The following MTRR variants were observed in gnomAD, a reference collection of about 807,000 sequenced individuals.
MTRR encodes 5-methyltetrahydrofolate-homocysteine methyltransferase reductase.
A neutral mutation model predicts 79.2 loss-of-function variants in MTRR; 63 were observed. That is an observed-to-expected ratio of 0.80 (90% CI 0.65 to 0.98). MTRR has a LOEUF of 0.98. Ranked by LOEUF, MTRR falls within the 50% of genes least tolerant of loss-of-function variation. MTRR has a pLI of 0.00. For missense variants in MTRR, 895 were observed against 839.6 expected (o/e 1.07, Z -0.82); for synonymous variants, 355 against 313.3 (o/e 1.13, Z -1.41).
At chr5:7,877,503 CAAAAAAAA>C (rs11324670) in intron 4 of MTRR, among the ~76,000 whole-genome samples, 4 of 100,512 alleles carry the variant, frequency 4.0e-5, no homozygotes, top group Non-Finnish European at 4.2e-5. Context: ...ATTGGCTAGG[CAAAAAAAA>C]AAAAAAAAAA....
At chr5:7,868,202 A>C, upstream of MTRR, 2 of 28,486 alleles carry the variant, frequency 7.0e-5, no homozygotes, top group Non-Finnish European at 1.3e-4. Context: ...AGTATCTGGA[A>C]AAAAAAAAAA....
At chr5:7,873,102 G>C (rs1306779920) in intron 2 of MTRR, among the ~76,000 whole-genome samples, 1 of 152,090 alleles carries the variant, frequency 6.6e-6, no homozygotes, top group Non-Finnish European at 1.5e-5. Flanking sequence ...CCTGCCTTTC[G>C]TACACAACAT....
chr5:7,873,337 G>C (rs1748323382), intron 2 of MTRR, 36 bp from the exon 3 acceptor site: 2 of 1,612,906 alleles, frequency 1.2e-6, no homozygotes, highest in Non-Finnish European at 8.5e-7. Context: ...AATGCATGTA[G>C]TGTTAGGTCC....
At chr5:7,868,757 G>C (rs375669283), upstream of MTRR, among the ~76,000 whole-genome samples, 2 of 152,158 alleles carry the variant, frequency 1.3e-5, no homozygotes, top group Non-Finnish European at 2.9e-5. Flanking sequence ...AAGACGGTGC[G>C]GGGGGATTTG....
At chr5:7,862,048 T>A (rs900328983) in exon 2 of MTRR, 1 of 156,488 alleles carries the variant, frequency 6.4e-6, no homozygotes, top group Non-Finnish European at 1.4e-5. Context: ...CAACTTGCAG[T>A]GCCTCCATGG....
At chr5:7,871,006 A>C in intron 2 of MTRR, 83 bp downstream of exon 2, 4 of 1,454,128 alleles carry the variant, frequency 2.8e-6, no homozygotes, top group Non-Finnish European at 2.9e-6. Flanking sequence ...ACAAAAGGAC[A>C]CTAATACCAC....
chr5:7,870,033 T>G, intron 1 of MTRR: 3 of 985,406 alleles, frequency 3.0e-6, no homozygotes, highest in Non-Finnish European at 3.6e-6. Flanking sequence ...ATTTTAGCCG[T>G]TAGATGAGTA....
At chr5:7,852,596 G>A (rs566364533) in intron 1 of MTRR, among the ~76,000 whole-genome samples, 1 of 152,032 alleles carries the variant, frequency 6.6e-6, no homozygotes, top group Admixed American at 6.5e-5. Context: ...ACATATCCCT[G>A]GTGCTTGGAG....
upstream of MTRR, chr5:7,868,328 G>A (rs1351337001): frequency 6.8e-6 from 3 of 443,342 alleles, no homozygotes; most frequent in Non-Finnish European, 1.2e-5. Context: ...GCTAAACACT[G>A]TTGTAGGTAT....
intron 12 of MTRR, 107 bp downstream of exon 12, chr5:7,895,959 A>T: frequency 7.3e-7 from 1 of 1,378,350 alleles, no homozygotes; most frequent in Non-Finnish European, 1.0e-6. Flanking sequence ...TATTTAAAAA[A>T]TTATTATTCA....
At chr5:7,884,527 C>T (rs1180586038) in intron 6 of MTRR, among the ~76,000 whole-genome samples, 3 of 151,476 alleles carry the variant, frequency 2.0e-5, no homozygotes, top group African/African-American at 7.3e-5. Flanking sequence ...TGTTTTTTTC[C>T]GTCCCAAATA....
At chr5:7,898,546 A>G (rs1042878796) in intron 14 of MTRR, among the ~76,000 whole-genome samples, 1 of 152,204 alleles carries the variant, frequency 6.6e-6, no homozygotes, top group East Asian at 1.9e-4. Context: ...AGCAGGAACA[A>G]AGTAGACAGA....
At chr5:7,872,132 T>C (rs151240980) in intron 2 of MTRR, 29 of 361,794 alleles carry the variant, frequency 8.0e-5, no homozygotes, top group African/African-American at 2.8e-4. Flanking sequence ...ACATTACTTA[T>C]ACAAACTCTG....
At chr5:7,877,101 C>T (rs911440561) in intron 4 of MTRR, among the ~76,000 whole-genome samples, 2 of 152,178 alleles carry the variant, frequency 1.3e-5, no homozygotes, top group African/African-American at 4.8e-5. Context: ...TGAAATCTGC[C>T]TCCTCTTGGT....
At chr5:7,866,156 A>T (rs1172262727), upstream of MTRR, among the ~76,000 whole-genome samples, 1 of 152,202 alleles carries the variant, frequency 6.6e-6, no homozygotes, top group Non-Finnish European at 1.5e-5. Flanking sequence ...GCCACCAATG[A>T]AATTGACTTC....
upstream of MTRR, chr5:7,868,195 A>T: frequency 3.3e-6 from 1 of 303,770 alleles, no homozygotes; most frequent in African/African-American, 3.2e-5. Context: ...ACAAACGAGT[A>T]TCTGGAAAAA....
intron 12 of MTRR, chr5:7,896,648 G>A (rs1738570353): frequency 5.0e-6 from 3 of 601,380 alleles, no homozygotes; most frequent in Admixed American, 2.9e-5. Flanking sequence ...TATGTCGGAT[G>A]TAGCTGCCTC....
upstream of MTRR, chr5:7,867,655 C>CT (rs773607911): frequency 1.2e-6 from 2 of 1,614,204 alleles, no homozygotes; most frequent in Non-Finnish European, 1.7e-6. Flanking sequence ...GATCACCATC[C>CT]TTTTTTTCCA....
intron 3 of MTRR, among the ~76,000 whole-genome samples, chr5:7,874,588 C>CTTTTTTTTTTT (rs5865743): frequency 4.6e-5 from 5 of 108,214 alleles, no homozygotes; most frequent in Non-Finnish European, 8.9e-5. Context: ...GGGATTTAAG[C>CTTTTTTTTTTT]TTTTTTTTTT....
Sources: allele counts gnomAD v4.1 joint callset (sites outside exome capture counted in the v4.1 genomes callset), GRCh38; gene constraint gnomAD v4.1.1; transcripts MANE v1.5; gene names NCBI Gene and HGNC (gene_info 2026-07-23, HGNC 2026-07-21).